Variants in SEC14L5 observed in about 807,000 individuals in gnomAD.
SEC14L5 encodes SEC14-like protein 5.
A neutral mutation model predicts 84.6 loss-of-function variants in SEC14L5; 96 were observed. The ratio of observed to expected loss-of-function variants is 1.13; its 90% CI spans 0.96 to 1.34. SEC14L5 has a LOEUF of 1.34. Ranked by LOEUF, SEC14L5 falls within the 40% of genes most tolerant of loss-of-function variation. The pLI, the probability that SEC14L5 is intolerant of heterozygous loss-of-function variation, is 0.00. For synonymous variants in SEC14L5, 546 were observed against 383.4 expected (o/e 1.42, Z -4.95); for missense variants, 1,224 against 942.5 (o/e 1.30, Z -3.91).
intron 2 of SEC14L5, among the ~76,000 whole-genome samples, chr16:4,966,883 T>C (rs1955206708): frequency 1.3e-5 from 2 of 152,180 alleles, no homozygotes; most frequent in South Asian, 4.1e-4. Flanking sequence ...TTCGGGACCC[T>C]GCAAGGGAGA....
intron 2 of SEC14L5, among the ~76,000 whole-genome samples, chr16:4,966,959 C>T (rs185183351): frequency 1.2e-3 from 189 of 152,302 alleles, no homozygotes; most frequent in African/African-American, 4.3e-3. Flanking sequence ...GTTTATTCAG[C>T]GCTACCTGTG....
intron 13 of SEC14L5, 118 bp downstream of exon 13, chr16:5,007,604 T>TTA: frequency 1.2e-6 from 1 of 864,532 alleles, no homozygotes; most frequent in Non-Finnish European, 1.7e-6. Flanking sequence ...CTTTCTTTCT[T>TTA]TCTTTTTTTT....
At chr16:5,009,311 C>T (rs981914199) in intron 14 of SEC14L5, among the ~76,000 whole-genome samples, 1 of 152,062 alleles carries the variant, frequency 6.6e-6, no homozygotes, top group African/African-American at 2.4e-5. Context: ...CATCTTAAAT[C>T]CTGTTTTTTT....
intron 2 of SEC14L5, among the ~76,000 whole-genome samples, chr16:4,968,153 G>GTTT (rs1596614108): frequency 6.6e-6 from 1 of 151,462 alleles, no homozygotes; most frequent in East Asian, 2.0e-4. Context: ...CTAAATAGCT[G>GTTT]AGACCACAGG....
In SEC14L5 at chr16:4,975,479, A is replaced by AC. The variant is rs1261360175; in HGVS notation, c.64-12078_64-12077insC. On this transcript the variant is annotated intron_variant, in intron 2 of 15. Transcript: ENST00000251170. ...CAGAGCGAAACTCCATCTCAAAAAA[A>AC]AAAAAAAAAAAAAGACATTATTTTG... Among the ~76,000 whole-genome samples, 5 of 151,514 alleles carry AC rather than the reference A, an allele frequency of 3.3e-5. No homozygotes were observed. The East Asian group carries it at 7.8e-4, about 23-fold the overall frequency.
intron 8 of SEC14L5, among the ~76,000 whole-genome samples, chr16:5,000,404 C>T (rs1328136593): frequency 6.6e-6 from 1 of 152,236 alleles, no homozygotes; most frequent in South Asian, 2.1e-4. Flanking sequence ...CCCCAAAATG[C>T]TGGGGTAATA....
intron 6 of SEC14L5, among the ~76,000 whole-genome samples, chr16:4,995,054 C>T (rs1955595192): frequency 6.6e-6 from 1 of 152,240 alleles, no homozygotes; most frequent in African/African-American, 2.4e-5. Context: ...TGCCAACATT[C>T]TCCCACCTCT....
At chr16:4,991,788 C>A (rs752102102) in intron 5 of SEC14L5, 50 bp from the exon 6 acceptor site, 78 of 1,337,522 alleles carry the variant, frequency 5.8e-5, no homozygotes, top group South Asian at 8.6e-5. Flanking sequence ...CCTGTGACCC[C>A]CCTCCATCCT....
intron 2 of SEC14L5, among the ~76,000 whole-genome samples, chr16:4,971,091 CA>C (rs34842525): frequency 0.017 from 1,254 of 73,910 alleles, 8 homozygotes; most frequent in African/African-American, 0.046. Context: ...GTGACAGAGC[CA>C]AAAAAAAAAA....
chr16:4,993,605 T>C (rs752063862), intron 6 of SEC14L5, among the ~76,000 whole-genome samples: 8 of 152,240 alleles, frequency 5.3e-5, no homozygotes, highest in Non-Finnish European at 1.0e-4. Context: ...ATTTAGGTCG[T>C]TTCAGTTTTT....
Position 5,011,190 on chromosome 16 carries a change from C to T in SEC14L5, c.1896C>T (p.Asp632=), listed in dbSNP as rs8055468. 9,296 of 1,613,724 alleles carry T rather than the reference C, an allele frequency of 5.8e-3. 434 individuals are homozygous for T. In the African/African-American group the frequency reaches 0.11, roughly 18 times the overall value. ...SSVACSLPGV[D]DVLTALHSPG... is the part of the protein sequence containing the mutation. ...TGGCCTGCAGCCTCCCGGGTGTGGA[C>T]GATGTCCTGACGGCTCTGCACAGCC... Residue 632 remains aspartate (D), a synonymous_variant, in exon 15 of 16, where the codon GAC becomes GAT. Transcript: ENST00000251170.
chr16:5,002,017 A>G (rs1342696983), intron 10 of SEC14L5, among the ~76,000 whole-genome samples: 1 of 151,776 alleles, frequency 6.6e-6, no homozygotes, highest in African/African-American at 2.4e-5. Context: ...TGATCCTCCC[A>G]CCTTGGCCTT....
At chr16:4,965,258 A>G (rs1173609506) in intron 2 of SEC14L5, among the ~76,000 whole-genome samples, 1 of 152,174 alleles carries the variant, frequency 6.6e-6, no homozygotes, top group Non-Finnish European at 1.5e-5. Flanking sequence ...TTTATCATTC[A>G]TTAGTTGATG....
chr16:4,975,001 C>T (rs1955323829), intron 2 of SEC14L5, among the ~76,000 whole-genome samples: 1 of 152,004 alleles, frequency 6.6e-6, no homozygotes, highest in Admixed American at 6.6e-5. Flanking sequence ...TGGTCTCAAA[C>T]TCCTGACCTC....
At chr16:4,977,964 C>A (rs1955367746) in intron 2 of SEC14L5, among the ~76,000 whole-genome samples, 2 of 149,694 alleles carry the variant, frequency 1.3e-5, no homozygotes, top group African/African-American at 4.9e-5. Context: ...CCACGCCTGG[C>A]TAATTTTTTG....
chr16:4,966,160 G>T (rs1955197822), intron 2 of SEC14L5, among the ~76,000 whole-genome samples: 1 of 151,660 alleles, frequency 6.6e-6, no homozygotes, highest in Admixed American at 6.6e-5. Flanking sequence ...TAGAGACGGG[G>T]TTTCACTGTG....
At chr16:4,996,737 A>G (rs1412514627) in intron 7 of SEC14L5, 118 bp from the exon 8 acceptor site, 12 of 785,586 alleles carry the variant, frequency 1.5e-5, no homozygotes, top group Non-Finnish European at 2.2e-5. Context: ...ACGCCTGGCT[A>G]ATTTCTGTAC....
chr16:4,974,660 C>T (rs1359690455), intron 2 of SEC14L5, among the ~76,000 whole-genome samples: 1 of 151,834 alleles, frequency 6.6e-6, no homozygotes, highest in Non-Finnish European at 1.5e-5. Flanking sequence ...TTTTAGTGCA[C>T]CTGTCACACA....
chr16:4,994,174 C>A (rs1489978223), intron 6 of SEC14L5, among the ~76,000 whole-genome samples: 1 of 151,984 alleles, frequency 6.6e-6, no homozygotes, highest in Non-Finnish European at 1.5e-5. Flanking sequence ...GTATGTACAC[C>A]ACAAATCCAG....
Sources: allele counts gnomAD v4.1 joint callset (sites outside exome capture counted in the v4.1 genomes callset), GRCh38; gene constraint gnomAD v4.1.1; transcripts MANE v1.5; gene names NCBI Gene and HGNC (gene_info 2026-07-23, HGNC 2026-07-21).